The following EXOC6B variants were observed in gnomAD, a reference collection of about 807,000 sequenced individuals.
EXOC6B encodes SEC15 homolog B.
In EXOC6B, 54 loss-of-function variants were observed where a neutral mutation model predicts 113.5. The observed-to-expected ratio is 0.48, with a 90% CI of 0.38 to 0.60. The LOEUF (loss-of-function observed/expected upper bound fraction) is 0.60, where lower values mean the gene tolerates loss of function less well. Ranked by LOEUF, EXOC6B falls within the 20% of genes least tolerant of loss-of-function variation. The pLI, the probability that EXOC6B is intolerant of heterozygous loss-of-function variation, is 0.00. For missense variants in EXOC6B, 797 were observed against 977.5 expected (o/e 0.82, Z 2.46); for synonymous variants, 357 against 339.0 (o/e 1.05, Z -0.58).
At chr2:72,580,875 G>T (rs1705179661) in intron 6 of EXOC6B, among the ~76,000 whole-genome samples, 1 of 152,208 alleles carries the variant, frequency 6.6e-6, no homozygotes, top group South Asian at 2.1e-4. Context: ...TCCATAGTCA[G>T]TTCCAAAAGT....
chr2:72,177,830 G>A lies in EXOC6B; in HGVS notation c.*1505C>T, dbSNP rs946436242. On this transcript the variant is annotated 3_prime_UTR_variant, in exon 22 of 22. Coordinates refer to ENST00000272427, the MANE Select transcript of EXOC6B (RefSeq NM_015189.3). ...CCATCAATCCAAGCTGGAAATGCCT[G>A]TGTGGCTTATTTGTCATTGTTTGGT... 2 of 152,166 alleles carry A rather than the reference G, an allele frequency of 1.3e-5. No individual in the cohort carries two copies. The highest frequency in any genetic ancestry group is 4.8e-5 in the African/African-American group (2 of 41,432). 9.4% of individuals were successfully genotyped at this position (152,166 alleles called of 1,614,324 possible).
intron 18 of EXOC6B, among the ~76,000 whole-genome samples, chr2:72,397,448 G>A (rs1029312985): frequency 1.3e-4 from 20 of 151,320 alleles, no homozygotes; most frequent in South Asian, 8.4e-4. Flanking sequence ...GTGAAACCCC[G>A]TCTCTACTAA....
intron 18 of EXOC6B, among the ~76,000 whole-genome samples, chr2:72,423,226 C>A (rs1695008989): frequency 6.6e-6 from 1 of 151,890 alleles, no homozygotes; most frequent in Non-Finnish European, 1.5e-5. Flanking sequence ...ACTCCTGAGC[C>A]AGCGAGACCA....
At chr2:72,327,055 C>A (rs1300062414) in intron 20 of EXOC6B, among the ~76,000 whole-genome samples, 1 of 152,008 alleles carries the variant, frequency 6.6e-6, no homozygotes, top group East Asian at 1.9e-4. Context: ...CAGAACTGCT[C>A]CAAACTGAAG....
At chr2:72,535,429 T>C (rs576382839) in intron 8 of EXOC6B, among the ~76,000 whole-genome samples, 41 of 152,320 alleles carry the variant, frequency 2.7e-4, no homozygotes, top group East Asian at 1.5e-3. Flanking sequence ...ATTAGAGGGG[T>C]ACATACTCCA....
At chr2:72,302,857 C>T (rs986182645) in intron 20 of EXOC6B, among the ~76,000 whole-genome samples, 17 of 151,794 alleles carry the variant, frequency 1.1e-4, no homozygotes, top group African/African-American at 4.1e-4. Context: ...TTGATCTTGT[C>T]ATTGTGTTGT....
At chr2:72,524,064 A>G (rs1004315976) in intron 8 of EXOC6B, among the ~76,000 whole-genome samples, 16 of 151,806 alleles carry the variant, frequency 1.1e-4, no homozygotes, top group African/African-American at 3.9e-4. Context: ...TCTTGGGGAA[A>G]GCCTGTAATT....
intron 20 of EXOC6B, among the ~76,000 whole-genome samples, chr2:72,248,110 C>A (rs956019193): frequency 1.3e-5 from 2 of 152,136 alleles, no homozygotes; most frequent in African/African-American, 4.8e-5. Context: ...TACCTGACTT[C>A]CTCTGCCAGA....
chr2:72,658,063 G>A (rs994179370), intron 6 of EXOC6B, among the ~76,000 whole-genome samples: 2 of 150,260 alleles, frequency 1.3e-5, no homozygotes, highest in African/African-American at 4.9e-5. Context: ...AAAGTTCAGA[G>A]AACAGGTTAA....
intron 6 of EXOC6B, among the ~76,000 whole-genome samples, chr2:72,673,502 T>C (rs932638848): frequency 6.6e-6 from 1 of 152,196 alleles, no homozygotes; most frequent in Non-Finnish European, 1.5e-5. Context: ...GTGAAGTATA[T>C]GGTTAATGTT....
chr2:72,210,066 G>T (rs1187535399), intron 20 of EXOC6B, among the ~76,000 whole-genome samples: 1 of 152,134 alleles, frequency 6.6e-6, no homozygotes, highest in Non-Finnish European at 1.5e-5. Context: ...ATCTGTAGCT[G>T]CCATGTGTAG....
intron 20 of EXOC6B, among the ~76,000 whole-genome samples, chr2:72,291,091 T>C (rs1194722053): frequency 6.6e-6 from 1 of 152,212 alleles, no homozygotes; most frequent in Non-Finnish European, 1.5e-5. Context: ...TTGAAAATAT[T>C]AATTTAGTAT....
At position 72,731,055 on chromosome 2, in the gene EXOC6B, TAAAAG is replaced by T. The variant is rs1680607442; in HGVS notation, c.419-8_419-4del. 5.8e-6 allele frequency: 9 copies of T among 1,552,626 alleles called. No homozygotes were observed. Among genetic ancestry groups the T allele is most frequent in the African/African-American group, 5.5e-5 (4 of 72,638 alleles). On this transcript the variant is annotated splice_polypyrimidine_tract_variant and splice_region_variant and intron_variant, in intron 4 of 21. Coordinates refer to ENST00000272427, the MANE Select transcript of EXOC6B (RefSeq NM_015189.3). ...CAGTTTGCTGTACATCTCTAGGACT[TAAAAG>T]AAAGAAAAGAATACACAAACATGAT...
intron 18 of EXOC6B, among the ~76,000 whole-genome samples, chr2:72,403,163 T>C (rs1052135808): frequency 2.0e-5 from 3 of 152,234 alleles, no homozygotes; most frequent in African/African-American, 7.2e-5. Flanking sequence ...CACATGGCTT[T>C]ATAAATTTAC....
chr2:72,603,792 T>G (rs1456988862), intron 6 of EXOC6B, among the ~76,000 whole-genome samples: 1 of 152,162 alleles, frequency 6.6e-6, no homozygotes, highest in Admixed American at 6.5e-5. Context: ...GTTGAGCCAG[T>G]CAGCCATGAA....
At chr2:72,631,574 T>G (rs554580872) in intron 6 of EXOC6B, among the ~76,000 whole-genome samples, 3 of 150,674 alleles carry the variant, frequency 2.0e-5, no homozygotes, top group Non-Finnish European at 4.4e-5. Context: ...GCACGATCAC[T>G]GCTTACTGAA....
At chr2:72,243,925 A>C (rs1227025751) in intron 20 of EXOC6B, among the ~76,000 whole-genome samples, 1 of 152,188 alleles carries the variant, frequency 6.6e-6, no homozygotes, top group Non-Finnish European at 1.5e-5. Context: ...ATAGAATTGC[A>C]AGGAGAAATA....
chr2:72,451,571 A>C (rs1696918561), intron 18 of EXOC6B, among the ~76,000 whole-genome samples: 1 of 152,154 alleles, frequency 6.6e-6, no homozygotes, highest in Admixed American at 6.6e-5. Context: ...GGATGTCCTT[A>C]ACAGAAACAC....
intron 1 of EXOC6B, among the ~76,000 whole-genome samples, chr2:72,800,865 ACT>A (rs1390927250): frequency 6.6e-6 from 1 of 152,178 alleles, no homozygotes; most frequent in Non-Finnish European, 1.5e-5. Context: ...GATGATGTAC[ACT>A]CTATCAACGA....
Sources: allele counts gnomAD v4.1 joint callset (sites outside exome capture counted in the v4.1 genomes callset), GRCh38; gene constraint gnomAD v4.1.1; transcripts MANE v1.5; gene names NCBI Gene and HGNC (gene_info 2026-07-23, HGNC 2026-07-21).